Variants in ATM observed in about 807,000 individuals in gnomAD.
ATM encodes the protein ATM serine/threonine kinase, also known as serine-protein kinase ATM.
Under a neutral mutation model 387.0 loss-of-function variants are expected in ATM, and 308 were observed. The ratio of observed to expected loss-of-function variants is 0.80; its 90% CI spans 0.73 to 0.87. The LOEUF (loss-of-function observed/expected upper bound fraction) is 0.87. Ranked by LOEUF, ATM falls within the 40% of genes least tolerant of loss-of-function variation. ATM has a pLI of 0.00. For missense variants in ATM, 3,312 were observed against 3,560.9 expected, an observed-to-expected ratio of 0.93 and a Z score of 1.78; for synonymous variants, 1,156 against 1,187.3, an observed-to-expected ratio of 0.97 and a Z score of 0.54.
At chr11:108,244,733 T>C (rs2079746610) in intron 6 of ATM, 55 bp from the exon 7 acceptor site, 3 of 1,323,090 alleles carry the variant, frequency 2.3e-6, no homozygotes, top group Non-Finnish European at 3.3e-6. Context: ...ACTGTTCAGT[T>C]TGTACAGTTT....
At chr11:108,226,305 A>G (rs1054562070) in intron 1 of ATM, 1 of 151,874 alleles carries the variant, frequency 6.6e-6, no homozygotes, top group African/African-American at 2.4e-5. Context: ...TTTCTTTCCA[A>G]CCCTCAAACA....
Position 108,346,745 on chromosome 11 carries a change from T to A in ATM, c.8585-534T>A, listed in dbSNP as rs555019057. On this transcript the variant is annotated intron_variant, in intron 58 of 62. Transcript: ENST00000675843. ...GTGTTTTTTTGTAATGCCATGTGAT[T>A]TCTCCCATTAGTGCATGTCATCATC... 7.2e-5 allele frequency among the ~76,000 whole-genome samples: 11 copies of A among 152,212 alleles called. No individual in the cohort carries two copies. In the East Asian group the frequency reaches 2.1e-3, roughly 29 times the overall value.
At chr11:108,241,742 CTTTTTTTT>C (rs1206745957) in intron 5 of ATM, among the ~76,000 whole-genome samples, 5 of 45,366 alleles carry the variant, frequency 1.1e-4, no homozygotes, top group Admixed American at 9.9e-4. Context: ...TTCTTTCTTT[CTTTTTTTT>C]TTTTTTTTTT....
chr11:108,359,191 A>G (rs373310968), intron 61 of ATM, among the ~76,000 whole-genome samples: 4,099 of 150,032 alleles, frequency 0.027, 80 homozygotes, highest in Non-Finnish European at 0.042. Context: ...GATCAAAAGA[A>G]ACAAAGAAGG....
At chr11:108,239,117 G>A (rs1457565167) in intron 5 of ATM, among the ~76,000 whole-genome samples, 1 of 152,178 alleles carries the variant, frequency 6.6e-6, no homozygotes, top group Non-Finnish European at 1.5e-5. Flanking sequence ...GTGGGATTTA[G>A]GAGGTAATTA....
At chr11:108,336,729 T>A (rs1436447222) in intron 56 of ATM, among the ~76,000 whole-genome samples, 2 of 152,256 alleles carry the variant, frequency 1.3e-5, no homozygotes, top group Admixed American at 6.5e-5. Flanking sequence ...TGTAATCTGG[T>A]ACATATTGCC....
chr11:108,319,360 G>C lies in ATM; in HGVS notation c.6348-594G>C, dbSNP rs962323968. On this transcript the variant is annotated intron_variant, in intron 43 of 62. Transcript: ENST00000675843. ...GTATTTCAGCTACACAGACCTCTCT[G>C]TGTTTTCTTGTCAGGCCAAGCTGTT... Among the ~76,000 whole-genome samples the C allele has an allele frequency of 2.7e-4, 41 of 152,026 alleles. 1 individual carries two copies.
At position 108,317,188 on chromosome 11, in the gene ATM, C is replaced by T. The variant is rs528102698; in HGVS notation, c.6199-185C>T. On this transcript the variant is annotated intron_variant, in intron 42 of 62. Coordinates refer to ENST00000675843, the MANE Select transcript of ATM (RefSeq NM_000051.4). ...TCCTGGGCTCAAGTGATCCTCCTGC[C>T]TCAGCCTCCCAAAGTGCTGAGATTA... 5.3e-5 allele frequency among the ~76,000 whole-genome samples: 8 copies of T among 152,036 alleles called. No individual in the cohort carries two copies. The East Asian group carries it at 1.4e-3, about 26-fold the overall frequency.
intron 16 of ATM, among the ~76,000 whole-genome samples, chr11:108,261,783 C>T (rs1359446630): frequency 6.6e-6 from 1 of 152,004 alleles, no homozygotes; most frequent in Non-Finnish European, 1.5e-5. Flanking sequence ...CAGAGAAGTG[C>T]TTAAAGGAGC....
At chr11:108,360,143 T>A (rs1247559624) in intron 61 of ATM, among the ~76,000 whole-genome samples, 11 of 150,570 alleles carry the variant, frequency 7.3e-5, no homozygotes, top group African/African-American at 2.7e-4. Context: ...AAATACAAAC[T>A]ACCATCAGAG....
At chr11:108,308,989 G>A in intron 38 of ATM, 1 of 1,524,390 alleles carries the variant, frequency 6.6e-7, no homozygotes, top group Non-Finnish European at 8.8e-7. Flanking sequence ...GGGGTAGAAT[G>A]GTGTTGACAT....
intron 59 of ATM, among the ~76,000 whole-genome samples, chr11:108,348,772 C>G (rs1188575208): frequency 1.3e-5 from 2 of 151,904 alleles, no homozygotes; most frequent in African/African-American, 4.8e-5. Flanking sequence ...GCCATATTCA[C>G]TATAAAACAA....
At chr11:108,244,191 GTAAC>G in intron 6 of ATM, 73 bp downstream of exon 6, 1 of 1,543,694 alleles carries the variant, frequency 6.5e-7, no homozygotes, top group Middle Eastern at 1.9e-4. Context: ...TTTAGACTCA[GTAAC>G]TAAAAATTCT....
At chr11:108,294,116 T>C (rs1210760371) in intron 31 of ATM, among the ~76,000 whole-genome samples, 4 of 151,920 alleles carry the variant, frequency 2.6e-5, no homozygotes, top group Non-Finnish European at 4.4e-5. Context: ...CATAAGATCC[T>C]AAGGTCCACT....
chr11:108,335,339 C>A, intron 55 of ATM: 1 of 1,367,508 alleles, frequency 7.3e-7, no homozygotes, highest in South Asian at 1.3e-5. Context: ...AAAAGAATAC[C>A]ATTAACATGT....
intron 47 of ATM, among the ~76,000 whole-genome samples, chr11:108,326,974 T>A (rs1459765733): frequency 1.3e-5 from 2 of 152,122 alleles, no homozygotes; most frequent in Non-Finnish European, 2.9e-5. Context: ...TACAGGCACA[T>A]GCCACCATGC....
chr11:108,266,026 A>G (rs1169486290), intron 16 of ATM, among the ~76,000 whole-genome samples: 1 of 152,062 alleles, frequency 6.6e-6, no homozygotes, highest in Non-Finnish European at 1.5e-5. Flanking sequence ...ATCCTTTTAC[A>G]CTGTTGGTGG....
Position 108,366,332 on chromosome 11 carries a change from ATTGT to A in ATM, c.*827_*830del, listed in dbSNP as rs1316805038. 1 of 211,480 alleles carries A rather than the reference ATTGT, an allele frequency of 4.7e-6. No homozygotes were observed. Among genetic ancestry groups the A allele is most frequent in the Non-Finnish European group, 9.6e-6 (1 of 104,452 alleles). The allele number at this position is 211,480 out of a possible 1,614,324, so 13.1% of individuals were successfully genotyped here. A position where few individuals can be genotyped will look rare whatever the true frequency, so the allele number is the denominator to read the frequency against. On this transcript the variant is annotated 3_prime_UTR_variant, in exon 63 of 63. Coordinates refer to ENST00000675843, the MANE Select transcript of ATM (RefSeq NM_000051.4). ...ATCCATTGGGCTTCTTCTTTCAGAA[ATTGT>A]TTTTCATTTCTAATTATGCATCATT...
At chr11:108,352,928 T>C (rs2089387997) in intron 59 of ATM, among the ~76,000 whole-genome samples, 1 of 152,042 alleles carries the variant, frequency 6.6e-6, no homozygotes, top group Non-Finnish European at 1.5e-5. Flanking sequence ...GTCAGAGGGC[T>C]GGGTGATAGG....
Sources: gnomAD v4.1 joint callset for allele counts (sites outside exome capture counted in the v4.1 genomes callset) on GRCh38, gnomAD v4.1.1 for gene constraint, MANE v1.5 for transcripts, NCBI Gene and HGNC (gene_info 2026-07-23, HGNC 2026-07-21) for gene names.